CCDC88C: variants seen among roughly 807,000 people sequenced by gnomAD.
CCDC88C encodes coiled-coil and HOOK domain protein 88C, also known as protein Daple.
CCDC88C carries 131 observed loss-of-function variants against 198.8 expected under a neutral mutation model. The ratio of observed to expected loss-of-function variants is 0.66; its 90% CI spans 0.57 to 0.76. CCDC88C has a LOEUF of 0.76. CCDC88C is among the 30% of genes least tolerant of loss of function. The pLI is 0.00. For missense variants in CCDC88C, 2,553 were observed against 2,631.6 expected (o/e 0.97, Z 0.65); for synonymous variants, 1,166 against 1,114.7 (o/e 1.05, Z -0.92).
intron 2 of CCDC88C, among the ~76,000 whole-genome samples, chr14:91,415,390 C>CA: frequency 6.7e-6 from 1 of 149,484 alleles, no homozygotes; most frequent in South Asian, 2.1e-4. Flanking sequence ...AAAAAAAAAG[C>CA]AAAAACCATT....
At chr14:91,278,330 G>C (rs1297020495) in intron 28 of CCDC88C, 119 bp from the exon 29 acceptor site, 12 of 983,024 alleles carry the variant, frequency 1.2e-5, no homozygotes, top group Non-Finnish European at 1.4e-5. Context: ...TCCCTTGCCC[G>C]AAAACCCAGG....
In CCDC88C at chr14:91,313,828, GCCT is replaced by G. The variant is rs1424975790; in HGVS notation, c.1985_1987del (p.Glu662del). Reference sequence around the variant, plus strand: ...CAGGCCCTGGCTCTCATGCTCCAGGGCCTCGACTTTCTCGGTGGCTGTCTCCAG... The same window carrying G: ...CAGGCCCTGGCTCTCATGCTCCAGGGCGACTTTCTCGGTGGCTGTCTCCAG... On this transcript the variant is annotated inframe_deletion, in exon 15 of 30. Coordinates refer to ENST00000389857, the MANE Select transcript of CCDC88C (RefSeq NM_001080414.4). The surrounding 1 kb of genome is among the most constrained non-coding windows in gnomAD (Gnocchi z 5.2). 4 of 1,603,442 alleles carry G rather than the reference GCCT, an allele frequency of 2.5e-6. No individual in the cohort carries two copies. The highest frequency in any genetic ancestry group is 1.3e-5 in the African/African-American group (1 of 74,612).
At chr14:91,407,220 C>T (rs1409964102) in intron 3 of CCDC88C, among the ~76,000 whole-genome samples, 1 of 152,192 alleles carries the variant, frequency 6.6e-6, no homozygotes, top group Non-Finnish European at 1.5e-5. Flanking sequence ...AGGAACTGGG[C>T]CCAGCACAAA....
intron 29 of CCDC88C, among the ~76,000 whole-genome samples, chr14:91,277,551 C>A (rs1371512429): frequency 6.6e-6 from 1 of 152,198 alleles, no homozygotes; most frequent in African/African-American, 2.4e-5. Flanking sequence ...CTGGCCCTTT[C>A]AAGGTCCTTG....
At chr14:91,394,622 G>A (rs981182291) in intron 3 of CCDC88C, among the ~76,000 whole-genome samples, 2 of 152,136 alleles carry the variant, frequency 1.3e-5, no homozygotes, top group Non-Finnish European at 2.9e-5. Flanking sequence ...GCTGACTGAC[G>A]GCAGACACAT....
Position 91,307,913 on chromosome 14 carries a change from T to C in CCDC88C, c.3006+438A>G, listed in dbSNP as rs75943517. Among the ~76,000 whole-genome samples, 255 of 152,356 alleles carry C rather than the reference T, an allele frequency of 1.7e-3. 1 individual carries two copies. The highest frequency in any genetic ancestry group is 2.9e-3 in the South Asian group (14 of 4,832). On this transcript the variant is annotated intron_variant, in intron 17 of 29. Transcript: ENST00000389857. ...TGGAGAACACACATCTATATGTGTA[T>C]GGAAAGTGTGTTCACACATGTGGCA...
At chr14:91,308,594 T>C in intron 16 of CCDC88C, 102 bp from the exon 17 acceptor site, 10 of 1,234,562 alleles carry the variant, frequency 8.1e-6, no homozygotes, top group Non-Finnish European at 1.2e-5. Context: ...TAGGCTGGGT[T>C]ACGGAGCTGC....
chr14:91,394,756 TTAAAA>T (rs1885733714), intron 3 of CCDC88C, among the ~76,000 whole-genome samples: 1 of 152,176 alleles, frequency 6.6e-6, no homozygotes, highest in African/African-American at 2.4e-5. Flanking sequence ...GTCACTCAGC[TTAAAA>T]TAAAACGATC....
Position 91,303,871 on chromosome 14 carries a change from C to T in CCDC88C, c.3465G>A (p.Arg1155=), listed in dbSNP as rs1596046743. 1.2e-6 allele frequency: 2 copies of T among 1,613,140 alleles called. No homozygotes were observed. Among genetic ancestry groups the T allele is most frequent in the Admixed American group, 1.7e-5 (1 of 60,016 alleles). Residue 1155 remains arginine (R), a synonymous_variant, in exon 20 of 30, where the codon AGG becomes AGA. Coordinates refer to ENST00000389857, the MANE Select transcript of CCDC88C (RefSeq NM_001080414.4). ...AKETENESLQ[R]QQEQLTAAYE... ...AGGCCGCTGTAAGTTGCTCCTGCTG[C>T]CTCTGCAGGCTTTCGTTCTCCGTCT... is the stretch of plus-strand genomic sequence containing the variant.
rs199800994 is a variant in CCDC88C at position 91,343,741 on chromosome 14, T to TA, written c.341-85dup. On this transcript the variant is annotated intron_variant, in intron 4 of 29. Transcript: ENST00000389857. ...ATGTTTACCGTAGGGAAAAAACAGA[T>TA]AAAAAAAAATCATCTCTCTACTCTG... 4.0e-4 allele frequency: 601 copies of TA among 1,508,744 alleles called. 1 individual carries two copies. Among genetic ancestry groups the TA allele is most frequent in the East Asian group, 2.9e-3 (123 of 42,898 alleles). 93.5% of individuals were successfully genotyped at this position (1,508,744 alleles called of 1,614,324 possible).
At chr14:91,275,818 C>CTTTTTTT (rs34204634) in intron 29 of CCDC88C, among the ~76,000 whole-genome samples, 8 of 82,310 alleles carry the variant, frequency 9.7e-5, no homozygotes, top group Admixed American at 1.7e-4. Context: ...ACCAGTGGTT[C>CTTTTTTT]TTTTTTTTTT....
chr14:91,313,578 C>T lies in CCDC88C; in HGVS notation c.2238G>A (p.Leu746=), dbSNP rs753288469. 4 of 1,611,952 alleles carry T rather than the reference C, an allele frequency of 2.5e-6. No individual in the cohort carries two copies. The highest frequency in any genetic ancestry group is 1.7e-5 in the Admixed American group (1 of 60,006). ...EKEELRKNVD[L]LKALGKKSER... Reference sequence around the variant, plus strand: ...CTGACTTCTTGCCCAGCGCCTTGAGCAGATCCACGTTCTTCCTCAGCTCCT... The same window carrying T: ...CTGACTTCTTGCCCAGCGCCTTGAGTAGATCCACGTTCTTCCTCAGCTCCT... The change falls in exon 15 of 30, where the codon CTG becomes CTA. Residue 746 remains leucine, a synonymous_variant. Transcript: ENST00000389857. This position sits in a 1 kb window ranked among gnomAD's most constrained non-coding sequence, Gnocchi z 5.2.
chr14:91,375,492 A>AG (rs1372331181), intron 3 of CCDC88C, among the ~76,000 whole-genome samples: 18 of 151,340 alleles, frequency 1.2e-4, no homozygotes, highest in Non-Finnish European at 2.5e-4. Flanking sequence ...GGTGGGGAAG[A>AG]GGGGGGTGGG....
chr14:91,282,241 G>C (rs1345752769), intron 26 of CCDC88C, among the ~76,000 whole-genome samples: 1 of 152,188 alleles, frequency 6.6e-6, no homozygotes, highest in East Asian at 1.9e-4. Context: ...TTGCTCTGTT[G>C]TTCAGACTCA....
chr14:91,384,915 C>T (rs1885038345), intron 3 of CCDC88C, among the ~76,000 whole-genome samples: 1 of 152,204 alleles, frequency 6.6e-6, no homozygotes. Flanking sequence ...GGGCACCATC[C>T]ACCCAACGGC....
chr14:91,343,764 C>G lies in CCDC88C; in HGVS notation c.341-107G>C, dbSNP rs544101149. 2.6e-5 allele frequency: 34 copies of G among 1,294,822 alleles called. No individual in the cohort carries two copies. In the African/African-American group the frequency reaches 4.5e-4, roughly 17 times the overall value. 80.2% of individuals were successfully genotyped at this position (1,294,822 alleles called of 1,614,324 possible). A position where few individuals can be genotyped will look rare whatever the true frequency, so the allele number is the denominator to read the frequency against. ...GATAAAAAAAAATCATCTCTCTACT[C>G]TGTGACATTCACTTAGGTATACACA... On this transcript the variant is annotated intron_variant, in intron 4 of 29. Transcript: ENST00000389857.
chr14:91,339,170 G>T lies in CCDC88C; in HGVS notation c.809+108C>A. On this transcript the variant is annotated intron_variant, in intron 8 of 29. Coordinates refer to ENST00000389857, the MANE Select transcript of CCDC88C (RefSeq NM_001080414.4). This position sits in a 1 kb window ranked among gnomAD's most constrained non-coding sequence, Gnocchi z 5.8. ...AGGGCAGACCCCAGCTGACTCCGGG[G>T]CACACGTCAGAGCTGTGCCATTGGC... is the stretch of plus-strand genomic sequence containing the variant. 2 of 1,348,526 alleles carry T rather than the reference G, an allele frequency of 1.5e-6. No homozygotes were observed. Among genetic ancestry groups the T allele is most frequent in the South Asian group, 2.5e-5 (2 of 79,670 alleles). The allele number at this position is 1,348,526 out of a possible 1,614,324, so 83.5% of individuals were successfully genotyped here.
At chr14:91,319,882 G>A (rs1892274020) in intron 13 of CCDC88C, among the ~76,000 whole-genome samples, 1 of 152,006 alleles carries the variant, frequency 6.6e-6, no homozygotes, top group Non-Finnish European at 1.5e-5. Flanking sequence ...AAAACTAGCT[G>A]GGTGTGGTGG....
chr14:91,360,098 AT>A (rs1198433361), intron 3 of CCDC88C, among the ~76,000 whole-genome samples: 2 of 152,198 alleles, frequency 1.3e-5, no homozygotes, highest in Non-Finnish European at 2.9e-5. Flanking sequence ...AGATACCCTT[AT>A]TTTTATTGTA....
Sources: allele counts gnomAD v4.1 joint callset (sites outside exome capture counted in the v4.1 genomes callset), GRCh38; gene constraint gnomAD v4.1.1; non-coding constraint Gnocchi (gnomAD v3.1); transcripts MANE v1.5; gene names NCBI Gene and HGNC (gene_info 2026-07-23, HGNC 2026-07-21).